Variants in ADCY2 observed in about 807,000 individuals in gnomAD.
ADCY2 encodes adenylate cyclase type 2.
A neutral mutation model predicts 125.2 loss-of-function variants in ADCY2; 31 were observed. That is an observed-to-expected ratio of 0.25 (90% CI 0.19 to 0.33). The LOEUF (loss-of-function observed/expected upper bound fraction) is 0.33, where lower values mean the gene tolerates loss of function less well. Ranked by LOEUF, ADCY2 falls within the 10% of genes least tolerant of loss-of-function variation. The pLI, the probability that ADCY2 is intolerant of heterozygous loss-of-function variation, is 1.00. For missense variants in ADCY2, 904 were observed against 1,418.2 expected (o/e 0.64, Z 5.82); for synonymous variants, 512 against 548.4 (o/e 0.93, Z 0.93).
At chr5:7,797,017 C>A (rs988277067) in intron 20 of ADCY2, 1 of 152,214 alleles carries the variant, frequency 6.6e-6, no homozygotes, top group Non-Finnish European at 1.5e-5. Context: ...TGGGAAATGC[C>A]CCTCGTGTGC....
At chr5:7,524,030 T>C (rs368091166) in intron 3 of ADCY2, among the ~76,000 whole-genome samples, 2 of 152,048 alleles carry the variant, frequency 1.3e-5, no homozygotes, top group African/African-American at 4.8e-5. Flanking sequence ...TAAATCCATA[T>C]TCTCCTTCCC....
chr5:7,689,354 A>C (rs199754634), intron 4 of ADCY2, among the ~76,000 whole-genome samples: 3 of 151,902 alleles, frequency 2.0e-5, no homozygotes, highest in Admixed American at 1.3e-4. Flanking sequence ...AGGGCATGGC[A>C]TTTATTGCTC....
chr5:7,496,554 T>TC (rs1271006967), intron 2 of ADCY2, among the ~76,000 whole-genome samples: 1 of 152,206 alleles, frequency 6.6e-6, no homozygotes, highest in African/African-American at 2.4e-5. Flanking sequence ...ATTTAATTTT[T>TC]CAATTGAGAA....
intron 3 of ADCY2, among the ~76,000 whole-genome samples, chr5:7,544,874 T>C (rs1735102469): frequency 6.6e-6 from 1 of 152,194 alleles, no homozygotes; most frequent in Non-Finnish European, 1.5e-5. Flanking sequence ...GTAACCTGGC[T>C]GTCCCCACCC....
chr5:7,743,841 T>G (rs547931456), intron 15 of ADCY2, 89 bp downstream of exon 15: 2 of 1,263,008 alleles, frequency 1.6e-6, no homozygotes, highest in South Asian at 2.5e-5. Flanking sequence ...AACAAGGAGC[T>G]TATTGCTTTA....
chr5:7,611,691 A>G (rs2126644338), intron 3 of ADCY2, among the ~76,000 whole-genome samples: 1 of 152,310 alleles, frequency 6.6e-6, no homozygotes, highest in African/African-American at 2.4e-5. Context: ...TGACCATGAC[A>G]GTTCCAAATG....
chr5:7,686,760 A>G (rs1397322446), intron 4 of ADCY2, among the ~76,000 whole-genome samples: 1 of 152,222 alleles, frequency 6.6e-6, no homozygotes, highest in Non-Finnish European at 1.5e-5. Context: ...TATTAATGGA[A>G]TTATTAACAT....
intron 2 of ADCY2, among the ~76,000 whole-genome samples, chr5:7,423,993 A>G (rs988342807): frequency 4.6e-5 from 7 of 152,194 alleles, no homozygotes; most frequent in African/African-American, 1.7e-4. Flanking sequence ...GATAATGGAT[A>G]CCCTAAAACC....
chr5:7,644,574 T>A (rs1196924582), intron 4 of ADCY2, among the ~76,000 whole-genome samples: 1 of 152,100 alleles, frequency 6.6e-6, no homozygotes, highest in Non-Finnish European at 1.5e-5. Context: ...TTGTCTTGAG[T>A]TTCAGATCTA....
At chr5:7,508,763 T>C (rs2126515874) in intron 2 of ADCY2, among the ~76,000 whole-genome samples, 1 of 152,294 alleles carries the variant, frequency 6.6e-6, no homozygotes, top group East Asian at 1.9e-4. Flanking sequence ...CCACATCTTC[T>C]ACATTAGGAA....
At chr5:7,668,603 G>A (rs1739833268) in intron 4 of ADCY2, among the ~76,000 whole-genome samples, 1 of 152,124 alleles carries the variant, frequency 6.6e-6, no homozygotes, top group Admixed American at 6.5e-5. Context: ...GAAAACAAGA[G>A]TTTTTGTTTT....
chr5:7,674,891 C>T lies in ADCY2; in HGVS notation c.721-15800C>T, dbSNP rs1001945553. On this transcript the variant is annotated intron_variant, in intron 4 of 24. Transcript: ENST00000338316. ...TCTATTTTGGCTGGGCGCGGTGGCT[C>T]ACGCCTGTAATCCCAGCACTTTGGG... is the stretch of plus-strand genomic sequence containing the variant. Among the ~76,000 whole-genome samples, 8 of 152,124 alleles carry T rather than the reference C, an allele frequency of 5.3e-5. 1 individual carries two copies. The highest frequency in any genetic ancestry group is 7.2e-5 in the African/African-American group (3 of 41,434).
intron 2 of ADCY2, among the ~76,000 whole-genome samples, chr5:7,505,503 G>A (rs1433669270): frequency 6.6e-6 from 1 of 152,202 alleles, no homozygotes; most frequent in Non-Finnish European, 1.5e-5. Context: ...GGTTTCAGGC[G>A]ACCATCCCCC....
At chr5:7,435,090 G>A (rs763061679) in intron 2 of ADCY2, among the ~76,000 whole-genome samples, 44 of 152,156 alleles carry the variant, frequency 2.9e-4, no homozygotes, top group Non-Finnish European at 4.4e-4. Flanking sequence ...TTCTCCTTGC[G>A]TGTTTTCTTC....
At chr5:7,631,671 A>G (rs970052918) in intron 4 of ADCY2, among the ~76,000 whole-genome samples, 1 of 152,154 alleles carries the variant, frequency 6.6e-6, no homozygotes, top group African/African-American at 2.4e-5. Context: ...CTCATGCACT[A>G]ACATGAAGCA....
intron 16 of ADCY2, among the ~76,000 whole-genome samples, chr5:7,760,410 A>G (rs1743156195): frequency 6.6e-6 from 1 of 152,178 alleles, no homozygotes; most frequent in African/African-American, 2.4e-5. Flanking sequence ...CAGGGTGCAC[A>G]AGCTAAGGTT....
At chr5:7,495,938 T>C (rs1743331761) in intron 2 of ADCY2, among the ~76,000 whole-genome samples, 1 of 152,246 alleles carries the variant, frequency 6.6e-6, no homozygotes, top group Non-Finnish European at 1.5e-5. Context: ...CGCCTACCAA[T>C]ACATGTGTGT....
chr5:7,501,244 G>A (rs1743557292), intron 2 of ADCY2, among the ~76,000 whole-genome samples: 1 of 151,970 alleles, frequency 6.6e-6, no homozygotes. Context: ...TATGAAGCAA[G>A]AGGAATACAG....
chr5:7,748,537 C>G (rs201820727), intron 15 of ADCY2, among the ~76,000 whole-genome samples: 9 of 136,354 alleles, frequency 6.6e-5, no homozygotes, highest in South Asian at 2.3e-4. Flanking sequence ...CACACACACA[C>G]ACACACACAC....
Sources: gnomAD v4.1 joint callset for allele counts (sites outside exome capture counted in the v4.1 genomes callset) on GRCh38, gnomAD v4.1.1 for gene constraint, MANE v1.5 for transcripts, NCBI Gene and HGNC (gene_info 2026-07-23, HGNC 2026-07-21) for gene names.